PPP1R16B: variants seen among roughly 807,000 people sequenced by gnomAD.
PPP1R16B encodes the protein protein phosphatase 1 regulatory inhibitor subunit 16B.
A neutral mutation model predicts 61.7 loss-of-function variants in PPP1R16B; 14 were observed. The ratio of observed to expected loss-of-function variants is 0.23; its 90% CI spans 0.15 to 0.35. The LOEUF is 0.35. Ranked by LOEUF, PPP1R16B falls within the 10% of genes least tolerant of loss-of-function variation. PPP1R16B has a pLI of 1.00. For synonymous variants in PPP1R16B, 266 were observed against 305.3 expected (o/e 0.87, Z 1.34); for missense variants, 547 against 752.5 (o/e 0.73, Z 3.19).
At chr20:38,855,982 A>AGAGAGAGAGAGAGC (rs1449393855) in intron 2 of PPP1R16B, among the ~76,000 whole-genome samples, 1 of 41,566 alleles carries the variant, frequency 2.4e-5, no homozygotes, top group Non-Finnish European at 3.9e-5. Flanking sequence ...AGAGAGAGAG[A>AGAGAGAGAGAGAGC]AGGAGGAGGA....
Position 38,806,954 on chromosome 20 carries a change from T to C in PPP1R16B, c.-102+1162T>C, listed in dbSNP as rs918923036. On this transcript the variant is annotated intron_variant, in intron 1 of 10. Transcript: ENST00000299824. This position sits in a 1 kb window ranked among gnomAD's most constrained non-coding sequence, Gnocchi z 4.5. Reference sequence around the variant, plus strand: ...GAAAACCGAGCTGCCTGCGCGCCCATGTGATTGCATTTCACATAAAGGGCC... The same window carrying C: ...GAAAACCGAGCTGCCTGCGCGCCCACGTGATTGCATTTCACATAAAGGGCC... 1.1e-4 allele frequency among the ~76,000 whole-genome samples: 16 copies of C among 152,242 alleles called. No individual in the cohort carries two copies. Among genetic ancestry groups the C allele is most frequent in the Middle Eastern group, 3.4e-3 (1 of 294 alleles).
chr20:38,899,181 T>G (rs2145771540), intron 4 of PPP1R16B, among the ~76,000 whole-genome samples: 1 of 152,300 alleles, frequency 6.6e-6, no homozygotes, highest in East Asian at 1.9e-4. Flanking sequence ...AAACTTGCTC[T>G]GGGGTGTACG....
chr20:38,866,145 A>G (rs2085089129), intron 2 of PPP1R16B, among the ~76,000 whole-genome samples: 1 of 152,076 alleles, frequency 6.6e-6, no homozygotes. Context: ...AAAATTAAAA[A>G]TAAATAAATA....
intron 2 of PPP1R16B, among the ~76,000 whole-genome samples, chr20:38,886,134 G>A (rs776058873): frequency 8.5e-5 from 13 of 152,294 alleles, no homozygotes; most frequent in Admixed American, 4.6e-4. Flanking sequence ...CAGGGAGCCC[G>A]GTTGTGCACT....
rs543207423 is a variant in PPP1R16B at position 38,817,840 on chromosome 20, C to T, written c.-102+12048C>T. The stretch of plus-strand genomic sequence containing the variant: ...CGGGCGGATCACGAGGTCAGGAGAT[C>T]GAGACCATCCTGGCTAACACGGTGA... On this transcript the variant is annotated intron_variant, in intron 1 of 10. Transcript: ENST00000299824. Among the ~76,000 whole-genome samples the T allele has an allele frequency of 2.2e-4, 33 of 152,180 alleles. 1 individual carries two copies. The South Asian group carries it at 6.4e-3, about 30-fold the overall frequency.
At chr20:38,855,613 C>T (rs1284528827) in intron 2 of PPP1R16B, among the ~76,000 whole-genome samples, 1 of 151,898 alleles carries the variant, frequency 6.6e-6, no homozygotes, top group Non-Finnish European at 1.5e-5. Context: ...TCCCAGCTTT[C>T]AGGAGAAAAC....
intron 1 of PPP1R16B, among the ~76,000 whole-genome samples, chr20:38,823,415 C>T (rs554687210): frequency 4.6e-5 from 7 of 152,216 alleles, no homozygotes; most frequent in Admixed American, 1.3e-4. Context: ...CCAAGGCTGG[C>T]GGATCACTTG....
At position 38,900,662 on chromosome 20, in the gene PPP1R16B, C is replaced by T. The variant is rs1447617978; in HGVS notation, c.549C>T (p.Ile183=). Reference sequence around the variant, plus strand: ...AGGATGAACCCACCCTGGATGTCATCGAGACCTGCATGGCATACCAGGGTA... The same window carrying T: ...AGGATGAACCCACCCTGGATGTCATTGAGACCTGCATGGCATACCAGGGTA... The part of the protein sequence containing the change: ...LCEDEPTLDV[I]ETCMAYQGIT... Residue 183 remains isoleucine (I), a synonymous_variant, in exon 5 of 11, where the codon ATC becomes ATT. Coordinates refer to ENST00000299824, the MANE Select transcript of PPP1R16B (RefSeq NM_015568.4). 1.9e-6 allele frequency: 3 copies of T among 1,591,888 alleles called. No individual in the cohort carries two copies. The highest frequency in any genetic ancestry group is 2.6e-6 in the Non-Finnish European group (3 of 1,171,234).
At chr20:38,836,973 G>A (rs2084876758) in intron 2 of PPP1R16B, among the ~76,000 whole-genome samples, 1 of 152,214 alleles carries the variant, frequency 6.6e-6, no homozygotes, top group Admixed American at 6.5e-5. Flanking sequence ...TGGTGAACAA[G>A]TTGGATCTGG....
intron 10 of PPP1R16B, among the ~76,000 whole-genome samples, chr20:38,909,536 G>A (rs1337998587): frequency 6.6e-6 from 1 of 152,234 alleles, no homozygotes; most frequent in Non-Finnish European, 1.5e-5. Context: ...GGGCTGGAGT[G>A]GAATTGCTGA....
At chr20:38,899,474 C>T (rs551414352) in intron 4 of PPP1R16B, among the ~76,000 whole-genome samples, 1 of 152,194 alleles carries the variant, frequency 6.6e-6, no homozygotes, top group South Asian at 2.1e-4. Context: ...GTGAAGCCCA[C>T]CCAAGATGCT....
intron 1 of PPP1R16B, among the ~76,000 whole-genome samples, chr20:38,822,066 T>A (rs1408804933): frequency 1.3e-5 from 2 of 149,312 alleles, no homozygotes; most frequent in Non-Finnish European, 3.0e-5. Flanking sequence ...TATATTTTTT[T>A]AATCAGGCAA....
intron 2 of PPP1R16B, among the ~76,000 whole-genome samples, chr20:38,875,078 G>A (rs568127878): frequency 6.6e-6 from 1 of 152,180 alleles, no homozygotes; most frequent in East Asian, 1.9e-4. Flanking sequence ...GTGAGGATAC[G>A]AGGGTTGAAG....
intron 2 of PPP1R16B, among the ~76,000 whole-genome samples, chr20:38,867,016 C>T (rs932419405): frequency 6.6e-6 from 1 of 152,166 alleles, no homozygotes. Context: ...TGTGACTTTT[C>T]GTGTCTGGCT....
Position 38,872,443 on chromosome 20 carries a change from G to A in PPP1R16B, c.251-17152G>A, listed in dbSNP as rs111607510. Among the ~76,000 whole-genome samples the A allele has an allele frequency of 1.9e-3, 283 of 152,198 alleles. 2 individuals carry two copies. The highest frequency in any genetic ancestry group is 4.7e-3 in the Admixed American group (72 of 15,286). On this transcript the variant is annotated intron_variant, in intron 2 of 10. Coordinates refer to ENST00000299824, the MANE Select transcript of PPP1R16B (RefSeq NM_015568.4). ...AGGAGTTGGGCATTTCTAGAGCGCA[G>A]GAGGCAGAGAAGACTGGTTAGAGAG...
intron 10 of PPP1R16B, among the ~76,000 whole-genome samples, chr20:38,916,714 G>GA (rs1481986471): frequency 6.6e-6 from 1 of 151,754 alleles, no homozygotes; most frequent in African/African-American, 2.4e-5. Flanking sequence ...AGGAAAAAAA[G>GA]AAAAAAATTT....
At chr20:38,815,877 G>T (rs1344999886) in intron 1 of PPP1R16B, among the ~76,000 whole-genome samples, 1 of 152,198 alleles carries the variant, frequency 6.6e-6, no homozygotes, top group Non-Finnish European at 1.5e-5. Context: ...ATCTCCTGGA[G>T]TTGGCAGACA....
chr20:38,828,246 C>T (rs2084816127), intron 1 of PPP1R16B, among the ~76,000 whole-genome samples: 1 of 152,218 alleles, frequency 6.6e-6, no homozygotes, highest in Admixed American at 6.5e-5. Flanking sequence ...GGCAGGGAAA[C>T]CTGGCTTTGA....
At chr20:38,896,060 TTC>T (rs1203602271) in intron 4 of PPP1R16B, among the ~76,000 whole-genome samples, 6 of 128,048 alleles carry the variant, frequency 4.7e-5, no homozygotes, top group African/African-American at 2.2e-4. Context: ...CCTTCCTCCC[TTC>T]CTTTCTTCCC....
Sources: allele counts gnomAD v4.1 joint callset (sites outside exome capture counted in the v4.1 genomes callset), GRCh38; gene constraint gnomAD v4.1.1; non-coding constraint Gnocchi (gnomAD v3.1); transcripts MANE v1.5; gene names NCBI Gene and HGNC (gene_info 2026-07-23, HGNC 2026-07-21).